The following GARIN5A variants were observed in gnomAD, a reference collection of about 807,000 sequenced individuals.
The protein encoded by GARIN5A is golgi associated RAB2 interactor 5A, also known as Golgi-associated RAB2 interactor protein 5A.
the GARIN5A span, chr19:50,467,054 G>A: frequency 6.5e-6 from 1 of 152,716 alleles, no homozygotes; most frequent in African/African-American, 2.4e-5. Context: ...GGGGAAGCCA[G>A]GTGTCCTAAG....
the GARIN5A span, chr19:50,475,382 G>A: frequency 2.4e-5 from 39 of 1,610,438 alleles, no homozygotes; most frequent in Middle Eastern, 1.7e-4. Context: ...CAATAGGTCC[G>A]GGAGCTCCAG....
the GARIN5A span, among the ~76,000 whole-genome samples, chr19:50,472,655 G>A: frequency 6.6e-6 from 1 of 152,184 alleles, no homozygotes; most frequent in Non-Finnish European, 1.5e-5. Context: ...AGCACTTTGG[G>A]AGGTTGAGGG....
At chr19:50,471,774 CTG>C in the GARIN5A span, among the ~76,000 whole-genome samples, 20,156 of 127,628 alleles carry the variant, frequency 0.16, 3,574 homozygotes, top group African/African-American at 0.44. Flanking sequence ...GCATACATAC[CTG>C]TGTGTATACG....
At chr19:50,474,557 G>A in the GARIN5A span, among the ~76,000 whole-genome samples, 1 of 152,068 alleles carries the variant, frequency 6.6e-6, no homozygotes, top group African/African-American at 2.4e-5. Flanking sequence ...GTGTTAGCCA[G>A]GATGGTCTCG....
chr19:50,476,733 A>G, the GARIN5A span: 7 of 933,384 alleles, frequency 7.5e-6, no homozygotes, highest in African/African-American at 1.2e-4. Flanking sequence ...GGTGAGTTAC[A>G]GACGGAAGGA....
chr19:50,467,891 G>A, the GARIN5A span: 12 of 1,522,226 alleles, frequency 7.9e-6, no homozygotes, highest in East Asian at 2.3e-5. Flanking sequence ...GCACCGTCGG[G>A]GTCAGGGGTC....
the GARIN5A span, among the ~76,000 whole-genome samples, chr19:50,468,337 G>A: frequency 6.9e-6 from 1 of 144,922 alleles, no homozygotes; most frequent in Non-Finnish European, 1.5e-5. Context: ...ACTCCAGCCT[G>A]GGCGACAGAG....
chr19:50,470,889 C>T, the GARIN5A span, among the ~76,000 whole-genome samples: 3 of 151,538 alleles, frequency 2.0e-5, no homozygotes, highest in Non-Finnish European at 4.4e-5. Flanking sequence ...CTCCTGACCT[C>T]GTGATCCACC....
chr19:50,472,021 T>C, the GARIN5A span, among the ~76,000 whole-genome samples: 1 of 144,660 alleles, frequency 6.9e-6, no homozygotes. Flanking sequence ...TACGTGTGTA[T>C]ATGTATATGT....
chr19:50,472,198 G>GTA, the GARIN5A span, among the ~76,000 whole-genome samples: 5 of 143,988 alleles, frequency 3.5e-5, no homozygotes, highest in South Asian at 6.4e-4. Context: ...ATGTATGTGT[G>GTA]CATGTATATA....
At chr19:50,467,432 A>C in the GARIN5A span, 2 of 646,380 alleles carry the variant, frequency 3.1e-6, no homozygotes, top group Non-Finnish European at 5.2e-6. Context: ...CCAGGACCCC[A>C]GCCCTCATCT....
chr19:50,471,941 A>AT, the GARIN5A span, among the ~76,000 whole-genome samples: 18 of 135,056 alleles, frequency 1.3e-4, no homozygotes, highest in African/African-American at 5.0e-4. Context: ...TATGTGTGTA[A>AT]GTATATATAC....
At chr19:50,469,987 C>A in the GARIN5A span, among the ~76,000 whole-genome samples, 1 of 152,312 alleles carries the variant, frequency 6.6e-6, no homozygotes, top group African/African-American at 2.4e-5. Flanking sequence ...TTTCCCCCGA[C>A]AACCTTATGG....
the GARIN5A span, chr19:50,476,584 C>T: frequency 1.8e-5 from 28 of 1,575,926 alleles, no homozygotes; most frequent in Non-Finnish European, 2.3e-5. Context: ...GCTGCTCCTG[C>T]TCTTGCTGAT....
the GARIN5A span, chr19:50,475,319 AG>A: frequency 1.9e-6 from 3 of 1,579,464 alleles, no homozygotes; most frequent in Non-Finnish European, 2.6e-6. Flanking sequence ...AGGTGGGGGC[AG>A]TTACCCGAAG....
the GARIN5A span, among the ~76,000 whole-genome samples, chr19:50,470,623 A>G: frequency 6.7e-6 from 1 of 149,210 alleles, no homozygotes; most frequent in Non-Finnish European, 1.5e-5. Context: ...GGGTGGGCGC[A>G]GGGAGAAGTG....
the GARIN5A span, chr19:50,476,704 C>T: frequency 4.8e-6 from 6 of 1,258,784 alleles, no homozygotes; most frequent in African/African-American, 4.7e-5. Flanking sequence ...CTACGGATGT[C>T]GCAGGTCTTG....
chr19:50,467,962 A>C, the GARIN5A span: 7 of 745,022 alleles, frequency 9.4e-6, no homozygotes, highest in Admixed American at 1.4e-4. Context: ...TGCCTCTTGA[A>C]CTTGAGTCCA....
the GARIN5A span, among the ~76,000 whole-genome samples, chr19:50,471,972 ATGTATGTGTGTATATGTATATATACG>A: frequency 1.1e-4 from 17 of 149,702 alleles, no homozygotes; most frequent in Admixed American, 7.3e-4. Flanking sequence ...GTATATATAC[ATGTATGTGTGTATATGTATATATACG>A]TGTATGTATA....
Sources: allele counts gnomAD v4.1 joint callset (sites outside exome capture counted in the v4.1 genomes callset), GRCh38; gene constraint gnomAD v4.1.1; transcripts MANE v1.5; gene names NCBI Gene and HGNC (gene_info 2026-07-23, HGNC 2026-07-21).